The following SLC24A2 variants were observed in gnomAD, a reference collection of about 807,000 sequenced individuals.
SLC24A2 encodes the protein sodium/potassium/calcium exchanger 2.
Under a neutral mutation model 62.0 loss-of-function variants are expected in SLC24A2, and 36 were observed. The observed-to-expected ratio is 0.58, with a 90% CI of 0.44 to 0.77. The LOEUF (loss-of-function observed/expected upper bound fraction) is 0.77. Among genes scored for constraint, SLC24A2 ranks in the 30% least tolerant of loss-of-function variants. The pLI is 0.00. For missense variants in SLC24A2, 846 were observed against 817.9 expected, an observed-to-expected ratio of 1.03 and a Z score of -0.42; for synonymous variants, 358 against 294.0, an observed-to-expected ratio of 1.22 and a Z score of -2.23.
intron 2 of SLC24A2, among the ~76,000 whole-genome samples, chr9:19,679,581 G>A (rs369185921): frequency 1.3e-5 from 2 of 152,258 alleles, no homozygotes; most frequent in East Asian, 3.9e-4. Flanking sequence ...CAATGTCGGG[G>A]GGCATTGTGC....
At chr9:20,059,682 T>C in the SLC24A2 span, among the ~76,000 whole-genome samples, 1 of 152,100 alleles carries the variant, frequency 6.6e-6, no homozygotes, top group African/African-American at 2.4e-5. Context: ...AAGCTGTAAA[T>C]GCCTATATTA....
chr9:19,728,137 C>T (rs759809481), intron 2 of SLC24A2, among the ~76,000 whole-genome samples: 2 of 152,150 alleles, frequency 1.3e-5, no homozygotes, highest in Non-Finnish European at 2.9e-5. Flanking sequence ...ATCCATGGCA[C>T]AACTGGCCTT....
chr9:19,575,391 A>G (rs1424476987), intron 6 of SLC24A2, among the ~76,000 whole-genome samples: 2 of 152,218 alleles, frequency 1.3e-5, no homozygotes, highest in Non-Finnish European at 2.9e-5. Flanking sequence ...GCAACACAAA[A>G]TACTGGGTAA....
the SLC24A2 span, among the ~76,000 whole-genome samples, chr9:20,074,610 G>GAAGT: frequency 7.8e-6 from 1 of 127,542 alleles, no homozygotes; most frequent in African/African-American, 2.9e-5. Flanking sequence ...AGGAAAGAAG[G>GAAGT]GAGTGAGGGA....
the SLC24A2 span, among the ~76,000 whole-genome samples, chr9:20,227,256 G>T: frequency 1.2e-4 from 19 of 152,074 alleles, no homozygotes; most frequent in African/African-American, 4.1e-4. Context: ...TTTAACTATG[G>T]TTTGCCAATG....
the SLC24A2 span, among the ~76,000 whole-genome samples, chr9:19,925,700 T>C: frequency 1.3e-5 from 2 of 152,206 alleles, no homozygotes; most frequent in Admixed American, 1.3e-4. Flanking sequence ...TGAGGTTCCC[T>C]GACTAGGGAG....
chr9:20,223,683 G>C, the SLC24A2 span, among the ~76,000 whole-genome samples: 3 of 152,064 alleles, frequency 2.0e-5, no homozygotes, highest in African/African-American at 2.4e-5. Flanking sequence ...AGTGTACATG[G>C]GAAAAATGGA....
intron 4 of SLC24A2, among the ~76,000 whole-genome samples, chr9:19,613,888 T>C (rs1289056883): frequency 6.6e-6 from 1 of 152,156 alleles, no homozygotes; most frequent in African/African-American, 2.4e-5. Context: ...CTTGCCTTAG[T>C]GGGGCATAGA....
At chr9:19,934,090 T>C in the SLC24A2 span, among the ~76,000 whole-genome samples, 2 of 152,214 alleles carry the variant, frequency 1.3e-5, no homozygotes, top group African/African-American at 2.4e-5. This position sits in a 1 kb window ranked among gnomAD's most constrained non-coding sequence, Gnocchi z 4.1. Flanking sequence ...AACCACTGAA[T>C]AGTACACTTT....
chr9:19,796,373 T>C, the SLC24A2 span, among the ~76,000 whole-genome samples: 8 of 152,208 alleles, frequency 5.3e-5, no homozygotes, highest in South Asian at 1.0e-3. Context: ...CAGTTGAACT[T>C]CCTGTTTCTT....
chr9:19,990,947 G>GTA, the SLC24A2 span, among the ~76,000 whole-genome samples: 1 of 37,166 alleles, frequency 2.7e-5, no homozygotes, highest in African/African-American at 9.7e-5. Flanking sequence ...GTATGTATAT[G>GTA]TATGTATTAT....
chr9:20,191,595 T>A, the SLC24A2 span, among the ~76,000 whole-genome samples: 1 of 151,426 alleles, frequency 6.6e-6, no homozygotes, highest in Non-Finnish European at 1.5e-5. Flanking sequence ...TCTAAAAAAA[T>A]TATCATATGG....
chr9:19,693,168 A>T (rs1820090933), intron 2 of SLC24A2, among the ~76,000 whole-genome samples: 1 of 152,130 alleles, frequency 6.6e-6, no homozygotes, highest in South Asian at 2.1e-4. Flanking sequence ...TTACATATGT[A>T]TACATGTGCC....
chr9:19,747,979 C>A (rs1159021573), intron 2 of SLC24A2, among the ~76,000 whole-genome samples: 2 of 152,150 alleles, frequency 1.3e-5, no homozygotes, highest in Admixed American at 1.3e-4. Context: ...ATGCTCTATG[C>A]AAGCAGTCCT....
chr9:19,771,332 G>A (rs186206395), intron 2 of SLC24A2, among the ~76,000 whole-genome samples: 237 of 152,318 alleles, frequency 1.6e-3, no homozygotes, highest in African/African-American at 4.8e-3. Context: ...CCTCAAGTGT[G>A]TGTGACTTGC....
At chr9:20,138,306 T>C in the SLC24A2 span, among the ~76,000 whole-genome samples, 1 of 152,230 alleles carries the variant, frequency 6.6e-6, no homozygotes, top group Non-Finnish European at 1.5e-5. Context: ...TTTTCAGATA[T>C]GAGTAATTTA....
the SLC24A2 span, among the ~76,000 whole-genome samples, chr9:20,020,048 A>C: frequency 6.6e-6 from 1 of 152,142 alleles, no homozygotes; most frequent in Non-Finnish European, 1.5e-5. Flanking sequence ...TTAGAATGGC[A>C]ATCATTAAAA....
chr9:20,131,555 G>A, the SLC24A2 span, among the ~76,000 whole-genome samples: 1 of 152,114 alleles, frequency 6.6e-6, no homozygotes, highest in Non-Finnish European at 1.5e-5. Flanking sequence ...AAAGTCAAAG[G>A]CCTAAGAAGT....
the SLC24A2 span, among the ~76,000 whole-genome samples, chr9:20,106,403 A>T: frequency 3.9e-5 from 6 of 152,312 alleles, no homozygotes; most frequent in South Asian, 1.2e-3. Context: ...CAAAAAAGAG[A>T]ATTTTAGACC....
Sources: allele counts gnomAD v4.1 joint callset (sites outside exome capture counted in the v4.1 genomes callset), GRCh38; gene constraint gnomAD v4.1.1; non-coding constraint Gnocchi (gnomAD v3.1); transcripts MANE v1.5; gene names NCBI Gene and HGNC (gene_info 2026-07-23, HGNC 2026-07-21).